The following SLC39A11 variants were observed in gnomAD, a reference collection of about 807,000 sequenced individuals.
SLC39A11 encodes the protein zinc transporter ZIP11.
A neutral mutation model predicts 36.1 loss-of-function variants in SLC39A11; 33 were observed. That is an observed-to-expected ratio of 0.91 (90% CI 0.69 to 1.22). The LOEUF is 1.22. Ranked by LOEUF, SLC39A11 falls within the 50% of genes most tolerant of loss-of-function variation. SLC39A11 has a pLI of 0.00. For missense variants in SLC39A11, 432 were observed against 430.3 expected, an observed-to-expected ratio of 1.00 and a Z score of -0.03; for synonymous variants, 166 against 170.3, an observed-to-expected ratio of 0.97 and a Z score of 0.20.
chr17:72,783,824 C>A (rs1181851917), intron 6 of SLC39A11, among the ~76,000 whole-genome samples: 1 of 152,164 alleles, frequency 6.6e-6, no homozygotes, highest in Non-Finnish European at 1.5e-5. Context: ...TTAAGAGGAA[C>A]TGAGAAAGCT....
chr17:73,041,942 C>A (rs9916389), intron 3 of SLC39A11, among the ~76,000 whole-genome samples: 2 of 151,952 alleles, frequency 1.3e-5, no homozygotes, highest in Admixed American at 1.3e-4. Context: ...ATGCAAAATG[C>A]CCCAGGGATC....
At position 72,993,112 on chromosome 17, in the gene SLC39A11, G is replaced by C. The variant is rs1223754406; in HGVS notation, c.306+38444C>G. 2.6e-5 allele frequency among the ~76,000 whole-genome samples: 4 copies of C among 152,130 alleles called. No individual in the cohort carries two copies. In the East Asian group the frequency reaches 7.7e-4, roughly 29 times the overall value. ...CCTCCCAGGACATGTGGGAATTGTGGGAGCCACAATTCAAGATGAGATTTG... is the reference window on the plus strand; with the variant it reads ...CCTCCCAGGACATGTGGGAATTGTGCGAGCCACAATTCAAGATGAGATTTG... On this transcript the variant is annotated intron_variant, in intron 4 of 9. Transcript: ENST00000255559.
At chr17:72,829,354 A>AG (rs2078171941) in intron 6 of SLC39A11, among the ~76,000 whole-genome samples, 2 of 151,722 alleles carry the variant, frequency 1.3e-5, no homozygotes, top group South Asian at 4.2e-4. Context: ...TGTCTCAAAA[A>AG]AAAAAAAAGG....
At chr17:73,032,984 CA>C (rs2058786785) in intron 3 of SLC39A11, among the ~76,000 whole-genome samples, 3 of 152,288 alleles carry the variant, frequency 2.0e-5, no homozygotes, top group South Asian at 4.2e-4. Flanking sequence ...CTTTGGGCAC[CA>C]GGGGCCAGTT....
chr17:72,655,138 C>A (rs1477680240), intron 7 of SLC39A11, among the ~76,000 whole-genome samples: 1 of 152,258 alleles, frequency 6.6e-6, no homozygotes, highest in Non-Finnish European at 1.5e-5. Context: ...CTCCTTTGCT[C>A]CCCAGCAGGG....
Position 72,745,350 on chromosome 17 carries a change from G to A in SLC39A11, c.602-8631C>T, listed in dbSNP as rs1598543976. 2.6e-5 allele frequency among the ~76,000 whole-genome samples: 4 copies of A among 152,316 alleles called. 1 individual carries two copies. In the South Asian group the frequency reaches 8.3e-4, roughly 32 times the overall value. ...CTTCCTGCCAGACTATGGTCCCTGG[G>A]ATATGGGCCCAGCTGTCAGATCATC... On this transcript the variant is annotated intron_variant, in intron 6 of 9. Coordinates refer to ENST00000255559, the MANE Select transcript of SLC39A11 (RefSeq NM_139177.4).
rs539804719 is a variant in SLC39A11 at position 72,887,739 on chromosome 17, T to C, written c.431-37935A>G. Among the ~76,000 whole-genome samples, 12 of 152,216 alleles carry C rather than the reference T, an allele frequency of 7.9e-5. No individual in the cohort carries two copies. The East Asian group carries it at 2.3e-3, about 29-fold the overall frequency. On this transcript the variant is annotated intron_variant, in intron 5 of 9. Coordinates refer to ENST00000255559, the MANE Select transcript of SLC39A11 (RefSeq NM_139177.4). Reference sequence around the variant, plus strand: ...AAATATGTCAGGAACAATTTACAAATTGTGGCTATTTGTGTACATGCTTGC... The same window carrying C: ...AAATATGTCAGGAACAATTTACAAACTGTGGCTATTTGTGTACATGCTTGC...
At chr17:72,926,782 C>T (rs370483215) in intron 5 of SLC39A11, among the ~76,000 whole-genome samples, 1 of 152,170 alleles carries the variant, frequency 6.6e-6, no homozygotes, top group East Asian at 1.9e-4. Context: ...AAAAGGGATT[C>T]CCGAGCACCT....
chr17:72,941,920 G>A (rs145002882), intron 5 of SLC39A11, among the ~76,000 whole-genome samples: 1,600 of 150,430 alleles, frequency 0.011, 20 homozygotes, highest in African/African-American at 0.036. Context: ...TCACTCTGTC[G>A]CCCAGGCTGG....
Position 72,731,696 on chromosome 17 carries a change from T to C in SLC39A11, c.671+4954A>G, listed in dbSNP as rs1042865974. Among the ~76,000 whole-genome samples the C allele has an allele frequency of 6.0e-5, 9 of 150,420 alleles. No homozygotes were observed. In the East Asian group the frequency reaches 1.5e-3, roughly 26 times the overall value. On this transcript the variant is annotated intron_variant, in intron 7 of 9. Coordinates refer to ENST00000255559, the MANE Select transcript of SLC39A11 (RefSeq NM_139177.4). The stretch of plus-strand genomic sequence containing the variant: ...ACATTTGTTACAACTAAGGAACCCA[T>C]ATTGGTGCATTCCTTTTTTTGTTTG...
chr17:72,706,860 C>G (rs1426307974), intron 7 of SLC39A11, among the ~76,000 whole-genome samples: 2 of 152,206 alleles, frequency 1.3e-5, no homozygotes, highest in East Asian at 3.9e-4. Context: ...ACAATTCAAA[C>G]AGAATCACTG....
At chr17:73,008,724 C>G (rs1195036737) in intron 4 of SLC39A11, among the ~76,000 whole-genome samples, 1 of 152,122 alleles carries the variant, frequency 6.6e-6, no homozygotes, top group Non-Finnish European at 1.5e-5. Flanking sequence ...TATGGCACGC[C>G]CAAACACAGT....
rs147722875 is a variant in SLC39A11, at chr17:72,713,470, C to G, written c.671+23180G>C. Among the ~76,000 whole-genome samples the G allele has an allele frequency of 1.6e-3, 237 of 152,292 alleles. 1 individual carries two copies. The highest frequency in any genetic ancestry group is 5.1e-3 in the African/African-American group (211 of 41,554). On this transcript the variant is annotated intron_variant, in intron 7 of 9. Transcript: ENST00000255559. ...CACTGTCCTAGACAAACCACATTAC[C>G]CTTAATACAGATTAGTGACTGCCAG...
chr17:72,986,805 T>A (rs1255522994), intron 4 of SLC39A11, among the ~76,000 whole-genome samples: 1 of 152,206 alleles, frequency 6.6e-6, no homozygotes, highest in Non-Finnish European at 1.5e-5. Context: ...GCAGGCAGAT[T>A]ACTTGAGGTC....
At chr17:72,979,571 CTT>C (rs1171498687) in intron 4 of SLC39A11, among the ~76,000 whole-genome samples, 3 of 152,244 alleles carry the variant, frequency 2.0e-5, no homozygotes, top group African/African-American at 7.2e-5. Context: ...GAGAGGGCAA[CTT>C]GAGAATTTCT....
chr17:72,759,600 T>A (rs1021861097), intron 6 of SLC39A11, among the ~76,000 whole-genome samples: 12 of 152,214 alleles, frequency 7.9e-5, no homozygotes, highest in Non-Finnish European at 1.8e-4. Context: ...ATTTATGCAA[T>A]CTTAGGAGGA....
intron 4 of SLC39A11, among the ~76,000 whole-genome samples, chr17:72,991,174 T>G (rs2089147535): frequency 6.6e-6 from 1 of 152,212 alleles, no homozygotes; most frequent in Non-Finnish European, 1.5e-5. Flanking sequence ...TTAGAGGTAC[T>G]CAATATCTGA....
intron 9 of SLC39A11, 30 bp from the exon 10 acceptor site, chr17:72,647,692 G>A: frequency 6.3e-7 from 1 of 1,595,524 alleles, no homozygotes; most frequent in Non-Finnish European, 8.6e-7. Context: ...AGAAAAGTAA[G>A]ACCTTAATGA....
At chr17:73,057,091 C>T (rs559132289) in intron 3 of SLC39A11, among the ~76,000 whole-genome samples, 1 of 152,098 alleles carries the variant, frequency 6.6e-6, no homozygotes, top group Non-Finnish European at 1.5e-5. Flanking sequence ...CTCCTGAGTA[C>T]AGGCACCTGC....
Sources: gnomAD v4.1 joint callset for allele counts (sites outside exome capture counted in the v4.1 genomes callset) on GRCh38, gnomAD v4.1.1 for gene constraint, MANE v1.5 for transcripts, NCBI Gene and HGNC (gene_info 2026-07-23, HGNC 2026-07-21) for gene names.